PYGB: variants seen among roughly 807,000 people sequenced by gnomAD.
PYGB encodes glycogen phosphorylase B, also known as glycogen phosphorylase, brain form.
Under a neutral mutation model 94.3 loss-of-function variants are expected in PYGB, and 82 were observed. The ratio of observed to expected loss-of-function variants is 0.87; its 90% CI spans 0.73 to 1.04. The LOEUF (loss-of-function observed/expected upper bound fraction) is 1.04. PYGB is among the 50% of genes least tolerant of loss of function. The probability of loss-of-function intolerance (pLI) is 0.00; values close to 1 mark genes in which losing one functional copy is unlikely to be tolerated. For missense variants in PYGB, 1,132 were observed against 1,158.2 expected (o/e 0.98, Z 0.33); for synonymous variants, 488 against 479.1 (o/e 1.02, Z -0.24).
intron 18 of PYGB, chr20:25,294,615 C>G (rs1272761935): frequency 3.7e-6 from 2 of 545,916 alleles, no homozygotes; most frequent in Non-Finnish European, 6.6e-6. Context: ...TCCCAGCAGG[C>G]CAGTAGAGGG....
intron 6 of PYGB, among the ~76,000 whole-genome samples, 185 bp downstream of exon 6, chr20:25,276,942 C>A (rs2088317766): frequency 6.6e-6 from 1 of 151,890 alleles, no homozygotes; most frequent in Non-Finnish European, 1.5e-5. Context: ...TGGGGCCTGC[C>A]CGGGAAGGGC....
intron 9 of PYGB, 149 bp downstream of exon 9, chr20:25,279,298 G>C: frequency 1.1e-6 from 1 of 872,522 alleles, no homozygotes; most frequent in East Asian, 2.7e-5. Flanking sequence ...CTGTGGGAGG[G>C]GTCTGGTTCC....
chr20:25,281,014 G>T lies in PYGB; in HGVS notation c.1305G>T (p.Gly435=), dbSNP rs2123573405. ...GCAGGATGTCTGTGATCGAGGAGGGGGACTGCAAGCGGATCAACATGGCCC... is the reference window on the plus strand; with the variant it reads ...GCAGGATGTCTGTGATCGAGGAGGGTGACTGCAAGCGGATCAACATGGCCC... ...RLRRMSVIEE[G]DCKRINMAHL... The change falls in exon 11 of 20, where the codon GGG becomes GGT. Residue 435 remains glycine (G), a synonymous_variant. Transcript: ENST00000216962. The T allele has an allele frequency of 6.2e-7, 1 of 1,614,184 alleles. No homozygotes were observed. Among genetic ancestry groups the T allele is most frequent in the East Asian group, 2.2e-5 (1 of 44,884 alleles).
rs200220722 is a variant in PYGB, at chr20:25,282,019, C to G, written c.1404-14C>G. The G allele has an allele frequency of 1.2e-5, 19 of 1,589,292 alleles. No homozygotes were observed. The East Asian group carries it at 4.0e-4, about 34-fold the overall frequency. On this transcript the variant is annotated splice_polypyrimidine_tract_variant and intron_variant, in intron 11 of 19. Transcript: ENST00000216962. ...ACAGCATTTGTGACAGTTCCCTGTT[C>G]TCTGTGTTTGCAGCTTTAAGGATTT...
Position 25,276,680 on chromosome 20 carries a change from C to T in PYGB, c.695C>T (p.Pro232Leu). Residue 232 changes from proline (P) to leucine (L), a missense_variant, in exon 6 of 20, where the codon CCC becomes CTC. Physicochemically the swap from Pro to Leu is moderately conservative, Grantham distance 98 (BLOSUM62 -3). Coordinates refer to ENST00000216962, the MANE Select transcript of PYGB (RefSeq NM_002862.4). ...GCCATGCCCTACGACACCCCAGTGC[C>T]CGGCTACAAGAACAACACCGTCAAC... ...VLAMPYDTPV[P>L]GYKNNTVNTM... 6.2e-7 allele frequency: 1 copy of T among 1,613,918 alleles called. No homozygotes were observed. Among genetic ancestry groups the T allele is most frequent in the South Asian group, 1.1e-5 (1 of 91,090 alleles).
chr20:25,264,923 C>A (rs1252517772), intron 2 of PYGB, among the ~76,000 whole-genome samples: 2 of 152,204 alleles, frequency 1.3e-5, no homozygotes, highest in Non-Finnish European at 2.9e-5. Flanking sequence ...CTGGAAAAAA[C>A]TACTTTAAAG....
intron 3 of PYGB, among the ~76,000 whole-genome samples, chr20:25,270,503 A>G (rs371834010): frequency 3.0e-4 from 46 of 151,522 alleles, no homozygotes; most frequent in African/African-American, 1.1e-3. Flanking sequence ...CGCCCAGCCA[A>G]TCCTGAAGTT....
intron 1 of PYGB, among the ~76,000 whole-genome samples, chr20:25,249,934 C>G (rs1252816103): frequency 6.6e-6 from 1 of 151,814 alleles, no homozygotes; most frequent in Non-Finnish European, 1.5e-5. Flanking sequence ...AGTGCAACCT[C>G]CGCCTCCCGG....
At chr20:25,294,921 GTTTTA>G in intron 18 of PYGB, 1 of 405,384 alleles carries the variant, frequency 2.5e-6, no homozygotes, top group Non-Finnish European at 3.2e-6. Flanking sequence ...CTTTGGGTTA[GTTTTA>G]GTTTTGTCTG....
intron 14 of PYGB, chr20:25,285,346 T>C (rs1377671221): frequency 6.6e-6 from 1 of 152,258 alleles, no homozygotes; most frequent in Non-Finnish European, 1.5e-5. Context: ...CTTGGTCCTA[T>C]TGATGAGCGG....
chr20:25,268,331 T>C (rs2088237644), intron 2 of PYGB, among the ~76,000 whole-genome samples: 1 of 152,024 alleles, frequency 6.6e-6, no homozygotes, highest in African/African-American at 2.4e-5. Flanking sequence ...ACTTTGCTGT[T>C]GTTATTTAAA....
chr20:25,276,271 G>A (rs375260347), intron 5 of PYGB, among the ~76,000 whole-genome samples: 7 of 152,180 alleles, frequency 4.6e-5, no homozygotes, highest in Non-Finnish European at 1.0e-4. Flanking sequence ...GTTGACTGAG[G>A]AGGGGAGGCG....
rs769220497 is a variant in PYGB at position 25,290,525 on chromosome 20, C to T, written c.1872C>T (p.Val624=). 1 of 1,611,440 alleles carries T rather than the reference C, an allele frequency of 6.2e-7. No individual in the cohort carries two copies. Among genetic ancestry groups the T allele is most frequent in the Non-Finnish European group, 8.5e-7 (1 of 1,177,748 alleles). The change falls in exon 16 of 20, where the codon GTC becomes GTT. Residue 624 remains valine, a synonymous_variant. Coordinates refer to ENST00000216962, the MANE Select transcript of PYGB (RefSeq NM_002862.4). ...YHMAKLIIKL[V]TSIGDVVNHD... is the part of the protein sequence containing the mutation. Reference sequence around the variant, plus strand: ...TGGCCAAGCTGATCATCAAGTTGGTCACCTCCATCGGCGACGTCGTCAATC... The same window carrying T: ...TGGCCAAGCTGATCATCAAGTTGGTTACCTCCATCGGCGACGTCGTCAATC...
chr20:25,290,860 G>A (rs957370711), intron 16 of PYGB, among the ~76,000 whole-genome samples: 2 of 152,276 alleles, frequency 1.3e-5, no homozygotes, highest in Admixed American at 6.5e-5. Flanking sequence ...CCCCCAACAG[G>A]GCACCCTTAC....
intron 2 of PYGB, among the ~76,000 whole-genome samples, chr20:25,268,741 C>T (rs1051566891): frequency 6.6e-6 from 1 of 152,146 alleles, no homozygotes; most frequent in African/African-American, 2.4e-5. Flanking sequence ...TTTAGCATAA[C>T]GTATCTGTTT....
rs182518185 is a variant in PYGB at position 25,259,357 on chromosome 20, G to A, written c.345+19G>A. On this transcript the variant is annotated intron_variant, in intron 2 of 19. Transcript: ENST00000216962. ...CTATCAGGTACAGAGCCTCATGGCC[G>A]GGCTTCTGGGTGGCCCCTCGTGGTG... is the stretch of plus-strand genomic sequence containing the variant. The A allele has an allele frequency of 3.0e-4, 467 of 1,565,294 alleles. 1 individual carries two copies. The African/African-American group carries it at 3.5e-3, about 12-fold the overall frequency.
At chr20:25,260,588 C>A (rs1283138448) in intron 2 of PYGB, among the ~76,000 whole-genome samples, 1 of 152,206 alleles carries the variant, frequency 6.6e-6, no homozygotes, top group Admixed American at 6.5e-5. Flanking sequence ...TTCTGCATTT[C>A]CAACTGAGGT....
intron 9 of PYGB, among the ~76,000 whole-genome samples, chr20:25,279,356 G>T (rs938462887): frequency 1.3e-5 from 2 of 152,102 alleles, no homozygotes; most frequent in Admixed American, 6.5e-5. Flanking sequence ...GGGCGCGGGG[G>T]AGATGATAAG....
intron 2 of PYGB, among the ~76,000 whole-genome samples, chr20:25,264,923 CTACTT>C (rs1167244945): frequency 1.3e-5 from 2 of 152,322 alleles, no homozygotes; most frequent in African/African-American, 4.8e-5. Context: ...CTGGAAAAAA[CTACTT>C]TAAAGTTCAT....
Sources: gnomAD v4.1 joint callset for allele counts (sites outside exome capture counted in the v4.1 genomes callset) on GRCh38, gnomAD v4.1.1 for gene constraint, MANE v1.5 for transcripts, NCBI Gene and HGNC (gene_info 2026-07-23, HGNC 2026-07-21) for gene names.